The following C5orf22 variants were observed in gnomAD, a reference collection of about 807,000 sequenced individuals.
C5orf22 encodes the protein chromosome 5 open reading frame 22.
C5orf22 carries 36 observed loss-of-function variants against 48.7 expected under a neutral mutation model. The ratio of observed to expected loss-of-function variants is 0.74; its 90% CI spans 0.57 to 0.98. The LOEUF (loss-of-function observed/expected upper bound fraction) is 0.98, where lower values mean the gene tolerates loss of function less well. Ranked by LOEUF, C5orf22 falls within the 50% of genes least tolerant of loss-of-function variation. The probability of loss-of-function intolerance (pLI) is 0.00; values close to 1 mark genes in which losing one functional copy is unlikely to be tolerated. For synonymous variants in C5orf22, 141 were observed against 180.8 expected, an observed-to-expected ratio of 0.78 and a Z score of 1.76; for missense variants, 486 against 521.9, an observed-to-expected ratio of 0.93 and a Z score of 0.67.
intron 7 of C5orf22, among the ~76,000 whole-genome samples, chr5:31,546,837 T>A (rs1742912471): frequency 6.6e-6 from 1 of 152,172 alleles, no homozygotes; most frequent in East Asian, 1.9e-4. Flanking sequence ...CAATTCAAGA[T>A]GAGATTTGGA....
At position 31,538,323 on chromosome 5, in the gene C5orf22, G is replaced by A. The variant is rs1742230004; in HGVS notation, c.441G>A (p.Glu147=). ...TGTATGTACCTGAAGACCAGCTAGA[G>A]AACCAAAAACCTTTACAATTGGATG... is the stretch of plus-strand genomic sequence containing the variant. The part of the protein sequence containing the change: ...DGLYVPEDQL[E]NQKPLQLDVI... Residue 147 remains glutamate, a synonymous_variant, in exon 4 of 9, where the codon GAG becomes GAA. Coordinates refer to ENST00000325366, the MANE Select transcript of C5orf22 (RefSeq NM_018356.3). 1 of 1,613,936 alleles carries A rather than the reference G, an allele frequency of 6.2e-7. No homozygotes were observed. The highest frequency in any genetic ancestry group is 2.2e-5 in the East Asian group (1 of 44,874).
chr5:31,535,610 C>T, intron 2 of C5orf22, 134 bp from the exon 3 acceptor site: 1 of 576,446 alleles, frequency 1.7e-6, no homozygotes, highest in Non-Finnish European at 2.9e-6. Flanking sequence ...ATAGTGATGT[C>T]CCTGAAAAAG....
At chr5:31,538,752 A>G in intron 4 of C5orf22, 63 bp downstream of exon 4, 1 of 1,236,648 alleles carries the variant, frequency 8.1e-7, no homozygotes. Context: ...CTAGATGAGG[A>G]ACCAGCAAAC....
At position 31,551,349 on chromosome 5, in the gene C5orf22, A is replaced by G; in HGVS notation, c.1116A>G (p.Thr372=). ...CAGAACTTCCTCACCATATCAGCAC[A>G]GAACAAGAAATAGAGTGTCTTATTC... ...DYSELPHHIS[T]EQEIECLIQS... The change falls in exon 8 of 9, where the codon ACA becomes ACG. Residue 372 remains threonine, a synonymous_variant. Coordinates refer to ENST00000325366, the MANE Select transcript of C5orf22 (RefSeq NM_018356.3). 1.2e-6 allele frequency: 2 copies of G among 1,613,664 alleles called. No individual in the cohort carries two copies. The highest frequency in any genetic ancestry group is 2.2e-5 in the East Asian group (1 of 44,874).
intron 3 of C5orf22, among the ~76,000 whole-genome samples, chr5:31,536,985 A>G (rs1742135590): frequency 6.6e-6 from 1 of 152,368 alleles, no homozygotes; most frequent in Non-Finnish European, 1.5e-5. Context: ...CTTTTGTAGT[A>G]TATAATCTTG....
chr5:31,549,079 C>T (rs1374360562), intron 7 of C5orf22, among the ~76,000 whole-genome samples: 3 of 152,040 alleles, frequency 2.0e-5, no homozygotes, highest in East Asian at 1.9e-4. Flanking sequence ...ATTAGCCGGG[C>T]GTGGTGGCGC....
intron 7 of C5orf22, among the ~76,000 whole-genome samples, chr5:31,549,696 C>T (rs1275784610): frequency 6.6e-6 from 1 of 151,874 alleles, no homozygotes; most frequent in East Asian, 1.9e-4. Context: ...GGCAACATGG[C>T]AAAACCCCAT....
At chr5:31,538,089 C>A in intron 3 of C5orf22, 171 bp from the exon 4 acceptor site, 1 of 586,926 alleles carries the variant, frequency 1.7e-6, no homozygotes, top group Non-Finnish European at 3.0e-6. Context: ...GCTGTGTGTC[C>A]AGCTAAGAAT....
Position 31,540,973 on chromosome 5 carries a change from C to G in C5orf22, c.832C>G (p.Leu278Val), listed in dbSNP as rs1467524591. The G allele has an allele frequency of 6.2e-7, 1 of 1,612,362 alleles. No individual in the cohort carries two copies. The highest frequency in any genetic ancestry group is 8.5e-7 in the Non-Finnish European group (1 of 1,178,904). Reference protein sequence around the residue: ...TQEEYKILQELYQFKKPGTNL... With the variant: ...TQEEYKILQEVYQFKKPGTNL... Reference sequence around the variant, plus strand: ...GGAAGAGTACAAAATCTTACAAGAGCTGTACCAATTTAAGAAACCTGGCAC... The same window carrying G: ...GGAAGAGTACAAAATCTTACAAGAGGTGTACCAATTTAAGAAACCTGGCAC... The change falls in exon 5 of 9, where the codon CTG (leucine) becomes GTG (valine). Residue 278 changes from leucine (L) to valine (V), a missense_variant. By Grantham distance (32) the Leu-to-Val change is conservative (BLOSUM62 1). Around this residue, in one of 3 missense-constraint regions of C5orf22, gnomAD observed 408 missense variants for 444.0 expected, o/e 0.92. Coordinates refer to ENST00000325366, the MANE Select transcript of C5orf22 (RefSeq NM_018356.3).
In C5orf22 at chr5:31,553,136, G is replaced by C; in HGVS notation, c.*234G>C. The C allele has an allele frequency of 9.7e-6, 3 of 307,934 alleles. No individual in the cohort carries two copies. The highest frequency in any genetic ancestry group is 1.8e-5 in the Non-Finnish European group (3 of 167,966). The allele number at this position is 307,934 out of a possible 1,614,324, so 19.1% of individuals were successfully genotyped here. On this transcript the variant is annotated 3_prime_UTR_variant, in exon 9 of 9. Coordinates refer to ENST00000325366, the MANE Select transcript of C5orf22 (RefSeq NM_018356.3). ...ACTGTTGCTTATCTGTCTTCCTTAA[G>C]TATTTTTTAGGGTTTTGTTTTTTTT...
In C5orf22 at chr5:31,554,176, T is replaced by A. The variant is rs1743456650; in HGVS notation, c.*1274T>A. 2.0e-5 allele frequency: 3 copies of A among 152,186 alleles called. No homozygotes were observed. Among genetic ancestry groups the A allele is most frequent in the African/African-American group, 7.2e-5 (3 of 41,442 alleles). 9.4% of individuals were successfully genotyped at this position (152,186 alleles called of 1,614,324 possible). A position where few individuals can be genotyped will look rare whatever the true frequency, so the allele number is the denominator to read the frequency against. On this transcript the variant is annotated 3_prime_UTR_variant, in exon 9 of 9. Coordinates refer to ENST00000325366, the MANE Select transcript of C5orf22 (RefSeq NM_018356.3). ...ATTTATTTTCCTTTAAAAGGTGAAA[T>A]GACATTTAAAGAAAAACAAACACCC...
At chr5:31,545,589 TATC>T in intron 6 of C5orf22, 54 bp from the exon 7 acceptor site, 1 of 1,194,624 alleles carries the variant, frequency 8.4e-7, no homozygotes, top group South Asian at 1.2e-5. Context: ...AATTTGCTAT[TATC>T]ATTTTAGTTG....
At chr5:31,537,480 C>G (rs559692278) in intron 3 of C5orf22, among the ~76,000 whole-genome samples, 2 of 152,200 alleles carry the variant, frequency 1.3e-5, no homozygotes, top group East Asian at 3.9e-4. Context: ...TGGAAAATAG[C>G]TTTTACAGTT....
chr5:31,533,152 G>A (rs74776069), intron 1 of C5orf22, among the ~76,000 whole-genome samples: 9 of 151,878 alleles, frequency 5.9e-5, no homozygotes, highest in Non-Finnish European at 1.0e-4. Flanking sequence ...ACGGGGCTTC[G>A]CCACGTTAGC....
chr5:31,535,942 T>A (rs1742047586), intron 3 of C5orf22, 49 bp downstream of exon 3: 2 of 1,557,592 alleles, frequency 1.3e-6, no homozygotes, highest in African/African-American at 1.4e-5. Flanking sequence ...TGTTTCTATC[T>A]TATTTTGGAT....
Position 31,538,659 on chromosome 5 carries a change from C to T in C5orf22, c.777C>T (p.Val259=). Residue 259 remains valine, a synonymous_variant, in exon 4 of 9, where the codon GTC becomes GTT. Transcript: ENST00000325366. The stretch of plus-strand genomic sequence containing the variant: ...ATATTGACTTGGATTTTTTTTCAGT[C>T]AAGAATCCCTTCAAAGAAATGTTCA... ...VLDIDLDFFS[V]KNPFKEMFTQ... is the part of the protein sequence containing the mutation. The T allele has an allele frequency of 1.2e-6, 2 of 1,612,244 alleles. No homozygotes were observed. The highest frequency in any genetic ancestry group is 2.2e-5 in the South Asian group (2 of 90,922).
intron 7 of C5orf22, among the ~76,000 whole-genome samples, chr5:31,548,991 G>A (rs1036522747): frequency 3.9e-5 from 6 of 152,020 alleles, no homozygotes; most frequent in Non-Finnish European, 7.4e-5. Flanking sequence ...AGGCCGAAGC[G>A]AGCAGATCAC....
At position 31,554,841 on chromosome 5, in the gene C5orf22, A is replaced by C. The variant is rs1298533491; in HGVS notation, c.*1939A>C. 6.6e-6 allele frequency: 1 copy of C among 152,212 alleles called. No homozygotes were observed. The highest frequency in any genetic ancestry group is 1.5e-5 in the Non-Finnish European group (1 of 68,038). 9.4% of individuals were successfully genotyped at this position (152,212 alleles called of 1,614,324 possible). A position where few individuals can be genotyped will look rare whatever the true frequency, so the allele number is the denominator to read the frequency against. ...GTTTGTTTAATTCTCATGTTCTGTGATCATCTCTTTGAGAATAAAATTCAG... is the reference window on the plus strand; with the variant it reads ...GTTTGTTTAATTCTCATGTTCTGTGCTCATCTCTTTGAGAATAAAATTCAG... On this transcript the variant is annotated 3_prime_UTR_variant, in exon 9 of 9. Coordinates refer to ENST00000325366, the MANE Select transcript of C5orf22 (RefSeq NM_018356.3).
At chr5:31,540,819 T>C in intron 4 of C5orf22, 130 bp from the exon 5 acceptor site, 1 of 691,438 alleles carries the variant, frequency 1.4e-6, no homozygotes, top group Non-Finnish European at 2.6e-6. Flanking sequence ...GATTCTCCCA[T>C]ACATACCTTT....
Sources: allele counts gnomAD v4.1 joint callset (sites outside exome capture counted in the v4.1 genomes callset), GRCh38; gene constraint gnomAD v4.1.1; regional missense constraint gnomAD v4.1.1; transcripts MANE v1.5; gene names NCBI Gene and HGNC (gene_info 2026-07-23, HGNC 2026-07-21).